DUSP13B: variants seen among roughly 807,000 people sequenced by gnomAD.
DUSP13B encodes dual specificity protein phosphatase 13B.
At chr10:75,099,461 G>C in the DUSP13B span, 2 of 1,232,566 alleles carry the variant, frequency 1.6e-6, no homozygotes, top group Non-Finnish European at 2.0e-6. Context: ...GAATGGGGGA[G>C]TGGGTGCAGG....
chr10:75,108,864 C>T, the DUSP13B span: 45 of 1,103,288 alleles, frequency 4.1e-5, no homozygotes, highest in Admixed American at 7.0e-5. Flanking sequence ...TCAGCACCCC[C>T]GGGGGTCCTG....
chr10:75,105,760 A>G, the DUSP13B span: 1 of 1,552,910 alleles, frequency 6.4e-7, no homozygotes, highest in Non-Finnish European at 8.7e-7. Flanking sequence ...GTGCTGCCTC[A>G]CGGTGATCAC....
At chr10:75,095,535 A>ACACCCTC in the DUSP13B span, 2 of 1,576,350 alleles carry the variant, frequency 1.3e-6, no homozygotes, top group Non-Finnish European at 1.7e-6. Context: ...GTCCTAAAGC[A>ACACCCTC]CACCCTCCAC....
chr10:75,105,737 G>A, the DUSP13B span: 3 of 1,554,568 alleles, frequency 1.9e-6, no homozygotes, highest in South Asian at 1.2e-5. Context: ...CCTCGGTTGG[G>A]GAAGACCCAT....
the DUSP13B span, among the ~76,000 whole-genome samples, chr10:75,100,689 C>T: frequency 1.3e-5 from 2 of 152,232 alleles, no homozygotes; most frequent in African/African-American, 4.8e-5. Flanking sequence ...CCTGCCTCCC[C>T]CGCTCAGCAG....
chr10:75,109,016 C>G, the DUSP13B span: 1 of 1,607,772 alleles, frequency 6.2e-7, no homozygotes, highest in Non-Finnish European at 8.5e-7. Flanking sequence ...CACGCATCTC[C>G]TATGAAAAGG....
the DUSP13B span, chr10:75,097,738 G>C: frequency 6.2e-7 from 1 of 1,610,808 alleles, no homozygotes; most frequent in Admixed American, 1.7e-5. Context: ...GGCTGGGCCA[G>C]ACCTCATCGA....
At chr10:75,103,851 C>A in the DUSP13B span, 1 of 1,264,540 alleles carries the variant, frequency 7.9e-7, no homozygotes, top group South Asian at 1.3e-5. Flanking sequence ...GGTCCCTGGC[C>A]AAGAAGCCTG....
chr10:75,107,886 G>T, the DUSP13B span: 2 of 1,341,786 alleles, frequency 1.5e-6, no homozygotes, highest in Admixed American at 2.3e-5. Context: ...CTAAGCAGAG[G>T]ATTTTTAAAA....
the DUSP13B span, chr10:75,105,525 C>G: frequency 3.4e-6 from 3 of 879,676 alleles, no homozygotes; most frequent in South Asian, 5.1e-5. Context: ...GGGCCAGGCC[C>G]CCTTTAATCC....
chr10:75,106,279 C>T, the DUSP13B span, among the ~76,000 whole-genome samples: 4 of 151,862 alleles, frequency 2.6e-5, no homozygotes, highest in African/African-American at 7.3e-5. Context: ...TGGCCCCTGT[C>T]GCCTCATCTC....
chr10:75,099,573 G>GT, the DUSP13B span: 1 of 1,231,326 alleles, frequency 8.1e-7, no homozygotes, highest in East Asian at 3.2e-5. Context: ...GGCGCCCATG[G>GT]GGGGTGGGGC....
At chr10:75,103,374 A>G in the DUSP13B span, among the ~76,000 whole-genome samples, 48 of 152,228 alleles carry the variant, frequency 3.2e-4, no homozygotes, top group Non-Finnish European at 5.9e-5. Flanking sequence ...GCAGGTCTTC[A>G]GACAGCCCTG....
chr10:75,098,982 T>C, the DUSP13B span: 12 of 1,232,100 alleles, frequency 9.7e-6, no homozygotes, highest in African/African-American at 1.6e-5. Flanking sequence ...GGGAGCCTGG[T>C]ACTGCTGAGC....
At chr10:75,098,934 C>A in the DUSP13B span, 1 of 1,213,258 alleles carries the variant, frequency 8.2e-7, no homozygotes. Flanking sequence ...ATCTTTGGGG[C>A]CTCCAGAGAG....
At chr10:75,103,905 G>A in the DUSP13B span, 1 of 1,310,998 alleles carries the variant, frequency 7.6e-7, no homozygotes, top group Non-Finnish European at 1.0e-6. Flanking sequence ...TGTGGAGACT[G>A]AAGACAGTGG....
chr10:75,094,461 A>C, the DUSP13B span: 2 of 576,334 alleles, frequency 3.5e-6, no homozygotes, highest in Non-Finnish European at 3.1e-6. Context: ...ATTTTATTAT[A>C]GAGATGGACT....
At chr10:75,098,768 A>G in the DUSP13B span, among the ~76,000 whole-genome samples, 1 of 152,144 alleles carries the variant, frequency 6.6e-6, no homozygotes, top group African/African-American at 2.4e-5. Context: ...TCTCAACAAC[A>G]ACAAAAAGCC....
chr10:75,105,960 C>T, the DUSP13B span: 1 of 1,176,274 alleles, frequency 8.5e-7, no homozygotes. Flanking sequence ...CTGACCCTGC[C>T]TTGGGTGCAC....
Sources: allele counts gnomAD v4.1 joint callset (sites outside exome capture counted in the v4.1 genomes callset), GRCh38; gene constraint gnomAD v4.1.1; transcripts MANE v1.5; gene names NCBI Gene and HGNC (gene_info 2026-07-23, HGNC 2026-07-21).